PTBP1: variants seen among roughly 807,000 people sequenced by gnomAD.
The protein encoded by PTBP1 is polypyrimidine tract-binding protein 1.
PTBP1 carries 8 observed loss-of-function variants against 59.8 expected under a neutral mutation model. The observed-to-expected ratio is 0.13, with a 90% CI of 0.08 to 0.24. PTBP1 has a LOEUF of 0.24. Among genes scored for constraint, PTBP1 ranks in the 10% least tolerant of loss-of-function variants. The pLI, the probability that PTBP1 is intolerant of heterozygous loss-of-function variation, is 1.00. For missense variants in PTBP1, 686 were observed against 767.0 expected, an observed-to-expected ratio of 0.89 and a Z score of 1.25; for synonymous variants, 490 against 320.7, an observed-to-expected ratio of 1.53 and a Z score of -5.64.
In PTBP1 at chr19:808,046, A is replaced by T; in HGVS notation, c.1153+144A>T. 1 of 797,104 alleles carries T rather than the reference A, an allele frequency of 1.3e-6. No homozygotes were observed. The highest frequency in any genetic ancestry group is 1.5e-5 in the South Asian group (1 of 66,234). The allele number at this position is 797,104 out of a possible 1,614,324, so 49.4% of individuals were successfully genotyped here. On this transcript the variant is annotated intron_variant, in intron 11 of 14. Coordinates refer to ENST00000356948, the MANE Select transcript of PTBP1 (RefSeq NM_002819.5). This position sits in a 1 kb window ranked among gnomAD's most constrained non-coding sequence, Gnocchi z 4.7. ...TTTTATGGTTTGCTTTCGGTTTGCG[A>T]ATTTTATTTGGTCCCGTAGATACGT...
At position 804,947 on chromosome 19, in the gene PTBP1, G is replaced by C. The variant is rs569478349; in HGVS notation, c.717+8G>C. The C allele has an allele frequency of 9.9e-6, 16 of 1,613,242 alleles. No homozygotes were observed. The South Asian group carries it at 1.3e-4, about 13-fold the overall frequency. On this transcript the variant is annotated splice_region_variant and intron_variant, in intron 7 of 14. Transcript: ENST00000356948. Reference sequence around the variant, plus strand: ...GCCCAGCACGCCAAGCTGGTGAGTGGGGCTCCCGGGACGGCGCCCGCCCTG... The same window carrying C: ...GCCCAGCACGCCAAGCTGGTGAGTGCGGCTCCCGGGACGGCGCCCGCCCTG...
intron 2 of PTBP1, among the ~76,000 whole-genome samples, chr19:800,212 T>C (rs939865278): frequency 7.9e-5 from 12 of 151,780 alleles, no homozygotes; most frequent in Admixed American, 2.0e-4. Flanking sequence ...GGGATTACAG[T>C]TGTGAGCCGC....
chr19:798,185 C>T (rs1388280487), intron 1 of PTBP1, among the ~76,000 whole-genome samples: 1 of 152,054 alleles, frequency 6.6e-6, no homozygotes, highest in East Asian at 1.9e-4. Flanking sequence ...TGTCCTCCGC[C>T]CCGGGGCCGG....
intron 3 of PTBP1, 130 bp downstream of exon 3, chr19:803,766 G>C (rs1392765348): frequency 3.4e-6 from 3 of 890,786 alleles, no homozygotes; most frequent in Admixed American, 4.7e-5. Flanking sequence ...ACAGACCCAG[G>C]TCCAAGTTCT....
chr19:805,851 G>A (rs970387258), intron 9 of PTBP1: 11 of 465,578 alleles, frequency 2.4e-5, no homozygotes, highest in African/African-American at 2.0e-4. Context: ...GCGAGCGCGA[G>A]GACCGCCAGT....
At chr19:806,778 A>G (rs927224176) in intron 10 of PTBP1, 1 of 468,152 alleles carries the variant, frequency 2.1e-6, no homozygotes, top group Non-Finnish European at 3.7e-6. Context: ...CTTGCATGAT[A>G]CGCAGAATGA....
At chr19:805,237 C>A in intron 8 of PTBP1, 50 bp downstream of exon 8, 1 of 1,593,344 alleles carries the variant, frequency 6.3e-7, no homozygotes, top group Non-Finnish European at 8.6e-7. Context: ...TCTATTAGGG[C>A]CGCTCAGTCC....
chr19:806,636 A>G, intron 10 of PTBP1, 80 bp downstream of exon 10: 1 of 1,356,142 alleles, frequency 7.4e-7, no homozygotes, highest in South Asian at 1.6e-5. Context: ...CGGGTCCCGG[A>G]GCAGCGCCGC....
At chr19:806,156 G>A (rs2034560422) in intron 9 of PTBP1, 4 of 425,162 alleles carry the variant, frequency 9.4e-6, no homozygotes, top group Non-Finnish European at 1.7e-5. Flanking sequence ...CTGTGCTGTG[G>A]GCGGGGCGCA....
At position 804,855 on chromosome 19, in the gene PTBP1, G is replaced by A. The variant is rs750836843; in HGVS notation, c.633G>A (p.Leu211=). ...TTTTCTCCAAGTTCGGCACAGTGTT[G>A]AAGATCATCACCTTCACCAAGAACA... is the stretch of plus-strand genomic sequence containing the variant. ...HQIFSKFGTV[L]KIITFTKNNQ... Residue 211 remains leucine (L), a synonymous_variant, in exon 7 of 15, where the codon TTG becomes TTA. Transcript: ENST00000356948. 2.0e-5 allele frequency: 33 copies of A among 1,613,878 alleles called. No homozygotes were observed. Among genetic ancestry groups the A allele is most frequent in the Non-Finnish European group, 2.7e-5 (32 of 1,179,930 alleles).
chr19:810,732 T>A lies in PTBP1; in HGVS notation c.1580T>A (p.Val527Glu). 6.2e-7 allele frequency: 1 copy of A among 1,609,660 alleles called. No individual in the cohort carries two copies. The highest frequency in any genetic ancestry group is 8.5e-7 in the Non-Finnish European group (1 of 1,178,720). The change falls in exon 15 of 15, where the codon GTG becomes GAG. Residue 527 changes from valine to glutamate, a missense_variant. By Grantham distance (121) the Val-to-Glu change is moderately radical. Coordinates refer to ENST00000356948, the MANE Select transcript of PTBP1 (RefSeq NM_002819.5). Reference sequence around the variant, plus strand: ...ATGGCACTGATCCAGATGGGCTCCGTGGAGGAGGCGGTCCAGGCCCTCATT... The same window carrying A: ...ATGGCACTGATCCAGATGGGCTCCGAGGAGGAGGCGGTCCAGGCCCTCATT... ...RKMALIQMGS[V>E]EEAVQALIDL...
intron 1 of PTBP1, among the ~76,000 whole-genome samples, chr19:797,992 C>G (rs2034152870): frequency 6.7e-6 from 1 of 150,298 alleles, no homozygotes; most frequent in African/African-American, 2.4e-5. Flanking sequence ...GGACTCTGCC[C>G]CCGGCGCAGC....
intron 2 of PTBP1, among the ~76,000 whole-genome samples, chr19:802,502 G>A (rs2034378557): frequency 6.6e-6 from 1 of 152,096 alleles, no homozygotes; most frequent in Non-Finnish European, 1.5e-5. Flanking sequence ...CTGATGCGAT[G>A]GCCCTGGGCC....
At chr19:797,619 G>GA in intron 1 of PTBP1, 114 bp downstream of exon 1, 1 of 666,792 alleles carries the variant, frequency 1.5e-6, no homozygotes, top group Non-Finnish European at 2.1e-6. Context: ...GGGAGGGGGC[G>GA]GCGGGCTCTC....
Position 810,964 on chromosome 19 carries a change from T to C in PTBP1, c.*138T>C, listed in dbSNP as rs1277421173. 1.2e-5 allele frequency: 11 copies of C among 928,708 alleles called. No homozygotes were observed. The highest frequency in any genetic ancestry group is 1.7e-5 in the Non-Finnish European group (11 of 660,590). 57.5% of individuals were successfully genotyped at this position (928,708 alleles called of 1,614,324 possible). Reference sequence around the variant, plus strand: ...AAAGAGAAATCAGTTTACCTGTTTTTAAAAAAATTAAATCTAGTTCACCTT... The same window carrying C: ...AAAGAGAAATCAGTTTACCTGTTTTCAAAAAAATTAAATCTAGTTCACCTT... On this transcript the variant is annotated 3_prime_UTR_variant, in exon 15 of 15. Transcript: ENST00000356948.
intron 9 of PTBP1, 123 bp from the exon 10 acceptor site, chr19:806,285 A>G (rs2145055688): frequency 8.5e-7 from 1 of 1,171,988 alleles, no homozygotes; most frequent in Non-Finnish European, 1.1e-6. Context: ...GGGTAGGGCC[A>G]GAGCCAGGGC....
At position 804,050 on chromosome 19, in the gene PTBP1, A is replaced by G; in HGVS notation, c.130A>G (p.Ser44Gly). Residue 44 changes from serine to glycine, a missense_variant, in exon 4 of 15, where the codon AGC becomes GGC. Ser to Gly is a moderately conservative substitution (Grantham distance 56, BLOSUM62 0). Transcript: ENST00000356948. ...NSASAANGND[S>G]KKFKGDSRSA... ...CCCCTTTTCAGCAAACGGAAATGAC[A>G]GCAAGAAGTTCAAAGGTGACAGCCG... 1 of 1,614,028 alleles carries G rather than the reference A, an allele frequency of 6.2e-7. No homozygotes were observed. The highest frequency in any genetic ancestry group is 8.5e-7 in the Non-Finnish European group (1 of 1,179,988).
At chr19:806,298 C>T (rs1304823290) in intron 9 of PTBP1, 110 bp from the exon 10 acceptor site, 1 of 1,275,776 alleles carries the variant, frequency 7.8e-7, no homozygotes, top group Non-Finnish European at 1.0e-6. Context: ...GCCAGGGCCG[C>T]CTCCCGCGCG....
At position 799,497 on chromosome 19, in the gene PTBP1, C is replaced by T. The variant is rs567190240; in HGVS notation, c.39+54C>T. 4.4e-6 allele frequency: 7 copies of T among 1,581,192 alleles called. No homozygotes were observed. In the East Asian group the frequency reaches 1.1e-4, roughly 25 times the overall value. On this transcript the variant is annotated intron_variant, in intron 2 of 14. Coordinates refer to ENST00000356948, the MANE Select transcript of PTBP1 (RefSeq NM_002819.5). ...GACGCTCCTCTGACCTTGTGCCGACCCCGGGGGCCACCCCCCAGCGCTGTT... is the reference window on the plus strand; with the variant it reads ...GACGCTCCTCTGACCTTGTGCCGACTCCGGGGGCCACCCCCCAGCGCTGTT...
Sources: gnomAD v4.1 joint callset for allele counts (sites outside exome capture counted in the v4.1 genomes callset) on GRCh38, gnomAD v4.1.1 for gene constraint, Gnocchi (gnomAD v3.1) non-coding constraint, MANE v1.5 for transcripts, NCBI Gene and HGNC (gene_info 2026-07-23, HGNC 2026-07-21) for gene names.